Variants in ELP4 observed in about 807,000 individuals in gnomAD.
ELP4 encodes the protein elongator complex protein 4.
ELP4 carries 51 observed loss-of-function variants against 48.9 expected under a neutral mutation model. That is an observed-to-expected ratio of 1.04 (90% CI 0.83 to 1.32). ELP4 has a LOEUF of 1.32. Ranked by LOEUF, ELP4 falls within the 40% of genes most tolerant of loss-of-function variation. ELP4 has a pLI of 0.00. For synonymous variants in ELP4, 210 were observed against 189.2 expected (o/e 1.11, Z -0.90); for missense variants, 519 against 514.6 (o/e 1.01, Z -0.08).
intron 9 of ELP4, among the ~76,000 whole-genome samples, chr11:31,680,217 A>G (rs1025717491): frequency 6.6e-6 from 1 of 152,202 alleles, no homozygotes; most frequent in African/African-American, 2.4e-5. Context: ...CATTACATGC[A>G]GGACTGGAAA....
chr11:31,739,000 A>G (rs1286440562), intron 9 of ELP4, among the ~76,000 whole-genome samples: 1 of 152,194 alleles, frequency 6.6e-6, no homozygotes. Flanking sequence ...TCTGTGTACA[A>G]CATTGTAGCT....
intron 7 of ELP4, among the ~76,000 whole-genome samples, chr11:31,635,836 G>C (rs1268890102): frequency 6.6e-6 from 1 of 151,986 alleles, no homozygotes; most frequent in Admixed American, 6.6e-5. Flanking sequence ...GTCTATCAAA[G>C]CAATAGAAAT....
At chr11:31,585,307 T>C (rs540709861) in intron 3 of ELP4, among the ~76,000 whole-genome samples, 1 of 152,050 alleles carries the variant, frequency 6.6e-6, no homozygotes, top group East Asian at 1.9e-4. Context: ...GATTTGGAGA[T>C]AAAATCCAAG....
At chr11:31,634,893 T>G (rs941140906) in intron 7 of ELP4, among the ~76,000 whole-genome samples, 1 of 151,948 alleles carries the variant, frequency 6.6e-6, no homozygotes, top group African/African-American at 2.4e-5. Context: ...GAGAATGTCT[T>G]TTTTTAAAAA....
intron 9 of ELP4, among the ~76,000 whole-genome samples, chr11:31,728,420 T>A (rs1444839734): frequency 6.6e-6 from 1 of 152,198 alleles, no homozygotes; most frequent in Admixed American, 6.5e-5. Context: ...TAGATACTAT[T>A]AGAAAGCTTC....
intron 3 of ELP4, among the ~76,000 whole-genome samples, chr11:31,567,879 C>T (rs1041585121): frequency 6.6e-6 from 1 of 152,308 alleles, no homozygotes; most frequent in African/African-American, 2.4e-5. Flanking sequence ...GGTATAGAGT[C>T]TTGCCTTGAT....
rs556105131 is a variant in ELP4, at chr11:31,750,034, T to G, written c.1144-33359T>G. Among the ~76,000 whole-genome samples the G allele has an allele frequency of 2.6e-5, 4 of 152,134 alleles. No homozygotes were observed. In the East Asian group the frequency reaches 5.8e-4, roughly 22 times the overall value. On this transcript the variant is annotated intron_variant, in intron 9 of 9. Transcript: ENST00000640961. ...CCGTGCCCAGCTAATTTTTTTTTTT[T>G]TTGTATTTTTTACTAGAGACGGGGT...
At chr11:31,583,474 G>A (rs543060398) in intron 3 of ELP4, among the ~76,000 whole-genome samples, 4 of 152,098 alleles carry the variant, frequency 2.6e-5, no homozygotes, top group East Asian at 3.9e-4. Flanking sequence ...GGTGGTGTGC[G>A]GCATGTGGTC....
At chr11:31,641,702 T>C (rs1945101232) in intron 7 of ELP4, among the ~76,000 whole-genome samples, 2 of 151,902 alleles carry the variant, frequency 1.3e-5, no homozygotes, top group Non-Finnish European at 2.9e-5. Context: ...GTTCCCATCA[T>C]TTTCCCACCT....
chr11:31,671,522 A>T (rs1202106853), intron 9 of ELP4, among the ~76,000 whole-genome samples: 1 of 152,222 alleles, frequency 6.6e-6, no homozygotes, highest in Admixed American at 6.5e-5. Flanking sequence ...TAAATAGCTT[A>T]CTAAATTGAG....
intron 9 of ELP4, among the ~76,000 whole-genome samples, chr11:31,658,972 T>A (rs1476513009): frequency 6.6e-6 from 1 of 152,050 alleles, no homozygotes; most frequent in Non-Finnish European, 1.5e-5. Context: ...GCAACAAATA[T>A]TATGATTGTA....
intron 3 of ELP4, among the ~76,000 whole-genome samples, chr11:31,577,907 C>A (rs1957313839): frequency 6.6e-6 from 1 of 152,172 alleles, no homozygotes; most frequent in South Asian, 2.1e-4. Context: ...CCCTCTCTCA[C>A]CACTCCCATT....
intron 2 of ELP4, among the ~76,000 whole-genome samples, chr11:31,537,610 C>T (rs1956522394): frequency 6.6e-6 from 1 of 152,090 alleles, no homozygotes; most frequent in African/African-American, 2.4e-5. Flanking sequence ...AAGTCATGGC[C>T]AAAGGCAAAG....
At chr11:31,610,123 G>A (rs1414907222) in intron 5 of ELP4, among the ~76,000 whole-genome samples, 2 of 152,098 alleles carry the variant, frequency 1.3e-5, no homozygotes, top group African/African-American at 4.8e-5. Flanking sequence ...AAGTCATATA[G>A]TTATAGAAGT....
intron 7 of ELP4, among the ~76,000 whole-genome samples, chr11:31,636,275 G>A (rs957884295): frequency 6.6e-6 from 1 of 151,870 alleles, no homozygotes; most frequent in African/African-American, 2.4e-5. Flanking sequence ...GAGTGGTTTC[G>A]GGCAGAAGTA....
At chr11:31,581,168 T>A (rs191283091) in intron 3 of ELP4, among the ~76,000 whole-genome samples, 2 of 152,300 alleles carry the variant, frequency 1.3e-5, no homozygotes, top group Non-Finnish European at 2.9e-5. Flanking sequence ...ATACTCCAAC[T>A]CCAAATGGAC....
intron 3 of ELP4, among the ~76,000 whole-genome samples, chr11:31,585,641 GA>G (rs1015067297): frequency 6.6e-6 from 1 of 152,046 alleles, no homozygotes; most frequent in Admixed American, 6.6e-5. Flanking sequence ...ATGAATTCAA[GA>G]AAATAAAATC....
chr11:31,652,264 T>G (rs896989880), intron 9 of ELP4: 1 of 151,692 alleles, frequency 6.6e-6, no homozygotes. Context: ...TCTAAATAAC[T>G]TATTTACTTA....
Position 31,775,842 on chromosome 11 carries a change from G to A in ELP4, c.1144-7551G>A, listed in dbSNP as rs575100821. ...TAGCTGGGCGTGGTAGCACATGCCT[G>A]TAGTCCCAGCTACTTGGGAGACTGA... On this transcript the variant is annotated intron_variant, in intron 9 of 9. Coordinates refer to ENST00000640961, the MANE Select transcript of ELP4 (RefSeq NM_019040.5). Among the ~76,000 whole-genome samples the A allele has an allele frequency of 7.9e-5, 12 of 152,252 alleles. No individual in the cohort carries two copies. In the East Asian group the frequency reaches 1.9e-3, roughly 25 times the overall value.
Sources: gnomAD v4.1 joint callset for allele counts (sites outside exome capture counted in the v4.1 genomes callset) on GRCh38, gnomAD v4.1.1 for gene constraint, MANE v1.5 for transcripts, NCBI Gene and HGNC (gene_info 2026-07-23, HGNC 2026-07-21) for gene names.